The following FGFR2 variants were observed in gnomAD, a reference collection of about 807,000 sequenced individuals.
FGFR2 encodes fibroblast growth factor receptor 2.
Under a neutral mutation model 95.9 loss-of-function variants are expected in FGFR2, and 19 were observed. The observed-to-expected ratio is 0.20, with a 90% CI of 0.14 to 0.29. FGFR2 has a LOEUF of 0.29. Among genes scored for constraint, FGFR2 ranks in the 10% least tolerant of loss-of-function variants. The pLI, the probability that FGFR2 is intolerant of heterozygous loss-of-function variation, is 1.00. For missense variants in FGFR2, 707 were observed against 1,056.9 expected, an observed-to-expected ratio of 0.67 and a Z score of 4.59; for synonymous variants, 392 against 393.3, an observed-to-expected ratio of 1.00 and a Z score of 0.04.
Position 121,479,390 on chromosome 10 carries a change from T to A in FGFR2, c.*467A>T. 2 of 323,950 alleles carry A rather than the reference T, an allele frequency of 6.2e-6. No individual in the cohort carries two copies. Among genetic ancestry groups the A allele is most frequent in the Non-Finnish European group, 1.1e-5 (2 of 182,934 alleles). The allele number at this position is 323,950 out of a possible 1,614,324, so 20.1% of individuals were successfully genotyped here. A position where few individuals can be genotyped will look rare whatever the true frequency, so the allele number is the denominator to read the frequency against. On this transcript the variant is annotated 3_prime_UTR_variant, in exon 18 of 18. Transcript: ENST00000358487. Reference sequence around the variant, plus strand: ...CCAATTTTCTAGGTGCATTGGGACATCCATTTAAAATCAATACAAAAAATA... The same window carrying A: ...CCAATTTTCTAGGTGCATTGGGACAACCATTTAAAATCAATACAAAAAATA...
intron 4 of FGFR2, among the ~76,000 whole-genome samples, chr10:121,557,153 C>T (rs1856272608): frequency 6.6e-6 from 1 of 152,174 alleles, no homozygotes; most frequent in Admixed American, 6.5e-5. Flanking sequence ...ACTAGCAGAC[C>T]AGTTAGCCCA....
At chr10:121,547,095 G>A (rs371351340) in intron 5 of FGFR2, among the ~76,000 whole-genome samples, 18 of 152,174 alleles carry the variant, frequency 1.2e-4, no homozygotes, top group East Asian at 5.8e-4. Flanking sequence ...GTGGTGGCGG[G>A]CACCTGTAAT....
chr10:121,538,286 G>A (rs1161132614), intron 6 of FGFR2: 4 of 761,762 alleles, frequency 5.3e-6, no homozygotes, highest in Non-Finnish European at 9.8e-6. Flanking sequence ...CTTTTCACCT[G>A]CCCAATTAAC....
At chr10:121,498,470 G>C (rs1476198528) in intron 12 of FGFR2, 25 bp downstream of exon 12, 1 of 1,405,082 alleles carries the variant, frequency 7.1e-7, no homozygotes, top group African/African-American at 1.4e-5. Flanking sequence ...GTATTTGGGC[G>C]AATGCAGTTT....
chr10:121,478,403 C>CTATA lies in FGFR2; in HGVS notation c.*1453_*1454insTATA, dbSNP rs1380907643. The stretch of plus-strand genomic sequence containing the variant: ...ATATCTGTAGAAACATTTTTATTGT[C>CTATA]AGTATAAAAATTAACAGGTTTTATT... On this transcript the variant is annotated 3_prime_UTR_variant, in exon 18 of 18. Transcript: ENST00000358487. 1.3e-5 allele frequency: 3 copies of CTATA among 233,028 alleles called. No individual in the cohort carries two copies. The highest frequency in any genetic ancestry group is 2.5e-5 in the Non-Finnish European group (3 of 117,814). 14.4% of individuals were successfully genotyped at this position (233,028 alleles called of 1,614,324 possible).
chr10:121,531,305 G>T lies in FGFR2; in HGVS notation c.748+7287C>A, dbSNP rs1441938545. 6.6e-5 allele frequency: 10 copies of T among 152,182 alleles called. No individual in the cohort carries two copies. The highest frequency in any genetic ancestry group is 5.2e-4 in the Admixed American group (8 of 15,284). The allele number at this position is 152,182 out of a possible 1,614,324, so 9.4% of individuals were successfully genotyped here. On this transcript the variant is annotated intron_variant, in intron 6 of 17. Transcript: ENST00000358487. This position sits in a 1 kb window ranked among gnomAD's most constrained non-coding sequence, Gnocchi z 4.5. ...CTTCTTGCTGGGGTCAGTTCTGCGG[G>T]AGAGTCTGTATTTGCCAGTCAGTAC... is the stretch of plus-strand genomic sequence containing the variant.
chr10:121,526,879 T>C (rs951043529), intron 6 of FGFR2: 6 of 397,470 alleles, frequency 1.5e-5, no homozygotes, highest in African/African-American at 1.2e-4. Flanking sequence ...TATCTGACTC[T>C]CGGAAGTCTT....
At position 121,514,822 on chromosome 10, in the gene FGFR2, A is replaced by AAC. The variant is rs576981699; in HGVS notation, c.1287+293_1287+294dup. Among the ~76,000 whole-genome samples, 411 of 152,292 alleles carry AAC rather than the reference A, an allele frequency of 2.7e-3. 3 individuals are homozygous for AAC. Among genetic ancestry groups the AAC allele is most frequent in the African/African-American group, 9.8e-3 (407 of 41,554 alleles). ...AGACCGCTGTACTTGAGTCTGATCAAACACACACAGGGGGATTTGCCTCCA... is the reference window on the plus strand; with the variant it reads ...AGACCGCTGTACTTGAGTCTGATCAAACACACACACAGGGGGATTTGCCTCCA... On this transcript the variant is annotated intron_variant, in intron 9 of 17. Coordinates refer to ENST00000358487, the MANE Select transcript of FGFR2 (RefSeq NM_000141.5).
chr10:121,544,814 TTA>T (rs1479169882), intron 5 of FGFR2, among the ~76,000 whole-genome samples: 4 of 152,178 alleles, frequency 2.6e-5, no homozygotes, highest in African/African-American at 9.7e-5. Context: ...ATGGTAGATT[TTA>T]TGTTATGCAT....
intron 15 of FGFR2, 107 bp downstream of exon 15, chr10:121,487,247 G>A (rs956393270): frequency 2.4e-6 from 2 of 843,750 alleles, no homozygotes; most frequent in Non-Finnish European, 2.0e-6. Flanking sequence ...CACCTTCTAC[G>A]AATGTGTGAA....
chr10:121,587,771 GA>G (rs1862050695), intron 2 of FGFR2, among the ~76,000 whole-genome samples: 1 of 152,156 alleles, frequency 6.6e-6, no homozygotes, highest in Non-Finnish European at 1.5e-5. Flanking sequence ...CAGAGAAAAG[GA>G]AACACTTATA....
chr10:121,515,421 A>G (rs1032834931), intron 8 of FGFR2, 102 bp from the exon 9 acceptor site: 1 of 1,212,264 alleles, frequency 8.2e-7, no homozygotes, highest in African/African-American at 1.5e-5. Flanking sequence ...AAAGGCGACG[A>G]CCATTCTCAA....
intron 2 of FGFR2, among the ~76,000 whole-genome samples, chr10:121,571,294 C>CTTTTTTTTTT (rs35943673): frequency 2.5e-5 from 1 of 39,298 alleles, no homozygotes; most frequent in Non-Finnish European, 4.4e-5. Flanking sequence ...CGTGCCTGGC[C>CTTTTTTTTTT]TTTTTTTTTT....
In FGFR2 at chr10:121,518,540, A is replaced by G. The variant is rs1850010667; in HGVS notation, c.940-1077T>C. Reference sequence around the variant, plus strand: ...CTACTGGCATCATACCAGCTGCATCACCGAAGAAAGATTATTATAAATATA... The same window carrying G: ...CTACTGGCATCATACCAGCTGCATCGCCGAAGAAAGATTATTATAAATATA... On this transcript the variant is annotated intron_variant, in intron 7 of 17. Transcript: ENST00000358487. The surrounding 1 kb of genome is among the most constrained non-coding windows in gnomAD (Gnocchi z 4.0). The G allele has an allele frequency of 7.7e-6, 7 of 904,592 alleles. No individual in the cohort carries two copies. Among genetic ancestry groups the G allele is most frequent in the Admixed American group, 2.6e-5 (1 of 39,160 alleles). The allele number at this position is 904,592 out of a possible 1,614,324, so 56.0% of individuals were successfully genotyped here. A position where few individuals can be genotyped will look rare whatever the true frequency, so the allele number is the denominator to read the frequency against.
Position 121,517,984 on chromosome 10 carries a change from T to C in FGFR2, c.940-521A>G, listed in dbSNP as rs1849919518. 2.3e-6 allele frequency: 1 copy of C among 442,696 alleles called. No individual in the cohort carries two copies. Among genetic ancestry groups the C allele is most frequent in the African/African-American group, 2.0e-5 (1 of 49,144 alleles). 27.4% of individuals were successfully genotyped at this position (442,696 alleles called of 1,614,324 possible). A position where few individuals can be genotyped will look rare whatever the true frequency, so the allele number is the denominator to read the frequency against. ...TTGGTTACCAGGCTCTGGTTATTTT[T>C]ACTTCTGCGATACCATCTTGCCCTA... On this transcript the variant is annotated intron_variant, in intron 7 of 17. Transcript: ENST00000358487. The surrounding 1 kb of genome is among the most constrained non-coding windows in gnomAD (Gnocchi z 4.7).
chr10:121,519,797 G>C (rs1362680164), intron 7 of FGFR2, among the ~76,000 whole-genome samples, 182 bp downstream of exon 7: 2 of 152,148 alleles, frequency 1.3e-5, no homozygotes, highest in Non-Finnish European at 2.9e-5. Context: ...CTACTCCATA[G>C]TTCCCTTCTG....
chr10:121,494,793 C>T (rs1846562432), intron 13 of FGFR2, among the ~76,000 whole-genome samples: 1 of 152,124 alleles, frequency 6.6e-6, no homozygotes, highest in East Asian at 1.9e-4. Context: ...TGATACTTCA[C>T]AAATCTCAAT....
At chr10:121,573,841 T>G (rs576565009) in intron 2 of FGFR2, among the ~76,000 whole-genome samples, 6 of 152,244 alleles carry the variant, frequency 3.9e-5, no homozygotes, top group African/African-American at 9.6e-5. Flanking sequence ...TGGCCTTCGG[T>G]TCCCGGTGCC....
chr10:121,588,361 C>T (rs1219644), intron 2 of FGFR2, among the ~76,000 whole-genome samples: 34,851 of 151,178 alleles, frequency 0.23, 4,115 homozygotes, highest in African/African-American at 0.3. Flanking sequence ...AGTTTACCTA[C>T]ATAACAAACC....
Sources: allele counts gnomAD v4.1 joint callset (sites outside exome capture counted in the v4.1 genomes callset), GRCh38; gene constraint gnomAD v4.1.1; non-coding constraint Gnocchi (gnomAD v3.1); transcripts MANE v1.5; gene names NCBI Gene and HGNC (gene_info 2026-07-23, HGNC 2026-07-21).